The following ASPH variants were observed in gnomAD, a reference collection of about 807,000 sequenced individuals.
The protein encoded by ASPH is aspartyl/asparaginyl beta-hydroxylase.
A neutral mutation model predicts 118.4 loss-of-function variants in ASPH; 100 were observed. The ratio of observed to expected loss-of-function variants is 0.84; its 90% CI spans 0.72 to 1.00. The LOEUF (loss-of-function observed/expected upper bound fraction) is 1.00. ASPH is among the 50% of genes least tolerant of loss of function. The probability of loss-of-function intolerance (pLI) is 0.00; values close to 1 mark genes in which losing one functional copy is unlikely to be tolerated. For missense variants in ASPH, 920 were observed against 919.5 expected (o/e 1.00, Z -0.01); for synonymous variants, 315 against 325.6 (o/e 0.97, Z 0.35).
At chr8:61,565,283 AT>A (rs1287873053) in intron 17 of ASPH, among the ~76,000 whole-genome samples, 4 of 151,780 alleles carry the variant, frequency 2.6e-5, no homozygotes, top group South Asian at 2.1e-4. Flanking sequence ...TTACCAGTAA[AT>A]TTTTTTTAGA....
At chr8:61,645,294 A>G (rs1403283084) in intron 6 of ASPH, among the ~76,000 whole-genome samples, 2 of 152,204 alleles carry the variant, frequency 1.3e-5, no homozygotes, top group African/African-American at 4.8e-5. Flanking sequence ...TGAACTTCTT[A>G]AAAGTGTTTC....
At chr8:61,705,283 T>G (rs1836312919) in intron 1 of ASPH, among the ~76,000 whole-genome samples, 2 of 152,138 alleles carry the variant, frequency 1.3e-5, no homozygotes, top group Admixed American at 1.3e-4. Context: ...TCAAAAAAGC[T>G]ACTCAGCAGG....
At chr8:61,709,804 T>C (rs1030485415) in intron 1 of ASPH, among the ~76,000 whole-genome samples, 1 of 152,162 alleles carries the variant, frequency 6.6e-6, no homozygotes, top group Non-Finnish European at 1.5e-5. Flanking sequence ...GATAAAATAA[T>C]GTTACAGATT....
intron 21 of ASPH, among the ~76,000 whole-genome samples, chr8:61,530,873 C>A (rs934573202): frequency 6.6e-6 from 1 of 152,126 alleles, no homozygotes; most frequent in Non-Finnish European, 1.5e-5. Flanking sequence ...TGTTATATTG[C>A]TATTCTTGAT....
At chr8:61,531,651 T>C (rs1222618539) in intron 21 of ASPH, among the ~76,000 whole-genome samples, 1 of 152,000 alleles carries the variant, frequency 6.6e-6, no homozygotes, top group Non-Finnish European at 1.5e-5. Flanking sequence ...TTGATATACA[T>C]CTTATAACTG....
chr8:61,503,600 T>A, intron 24 of ASPH, 91 bp from the exon 25 acceptor site: 1 of 1,303,490 alleles, frequency 7.7e-7, no homozygotes, highest in Non-Finnish European at 1.0e-6. Flanking sequence ...GAACTACCTT[T>A]GGTAACAACC....
Position 61,502,276 on chromosome 8 carries a change from T to C in ASPH, c.*1083A>G, listed in dbSNP as rs1403995345. 6.6e-6 allele frequency: 1 copy of C among 152,232 alleles called. No homozygotes were observed. The allele number at this position is 152,232 out of a possible 1,614,324, so 9.4% of individuals were successfully genotyped here. A position where few individuals can be genotyped will look rare whatever the true frequency, so the allele number is the denominator to read the frequency against. ...AAAAAGGAAAGTAATCTGGACCTCCTACGCCCAAGAAAAACATCCTGGCAT... is the reference window on the plus strand; with the variant it reads ...AAAAAGGAAAGTAATCTGGACCTCCCACGCCCAAGAAAAACATCCTGGCAT... On this transcript the variant is annotated 3_prime_UTR_variant, in exon 25 of 25. Coordinates refer to ENST00000379454, the MANE Select transcript of ASPH (RefSeq NM_004318.4).
intron 15 of ASPH, among the ~76,000 whole-genome samples, chr8:61,581,433 A>G (rs1837481469): frequency 6.6e-6 from 1 of 152,264 alleles, no homozygotes; most frequent in African/African-American, 2.4e-5. Flanking sequence ...CACTGTGTTG[A>G]CATGAGGCCA....
Position 61,710,626 on chromosome 8 carries a change from G to A in ASPH, c.103+3643C>T, listed in dbSNP as rs112687125. 5.3e-3 allele frequency among the ~76,000 whole-genome samples: 804 copies of A among 152,312 alleles called. 10 individuals carry two copies. Among genetic ancestry groups the A allele is most frequent in the African/African-American group, 0.018 (762 of 41,556 alleles). On this transcript the variant is annotated intron_variant, in intron 1 of 24. Transcript: ENST00000379454. ...ATTTGGTCAGGATGGACAAAATGCT[G>A]TTGAACTGAACACAAAATAGCTGAC...
At chr8:61,686,326 T>C (rs1159737764) in intron 1 of ASPH, among the ~76,000 whole-genome samples, 6 of 152,100 alleles carry the variant, frequency 3.9e-5, no homozygotes, top group East Asian at 1.9e-4. Context: ...CAGGAGAAGA[T>C]TGGGTGAGAA....
At chr8:61,625,663 G>T (rs1852497680) in intron 13 of ASPH, 2 of 983,142 alleles carry the variant, frequency 2.0e-6, no homozygotes, top group African/African-American at 1.8e-5. Context: ...TAATTAATCA[G>T]CTAAAAGCTA....
intron 3 of ASPH, among the ~76,000 whole-genome samples, chr8:61,674,847 TGCAA>T (rs1022292607): frequency 1.3e-5 from 2 of 152,180 alleles, no homozygotes; most frequent in African/African-American, 4.8e-5. Context: ...CGTGAGGAAG[TGCAA>T]GCATTTTCAA....
intron 1 of ASPH, among the ~76,000 whole-genome samples, chr8:61,701,153 A>T (rs761297540): frequency 2.6e-4 from 39 of 152,142 alleles, no homozygotes; most frequent in Non-Finnish European, 4.0e-4. Flanking sequence ...CAACTGAAAG[A>T]TAAATAGTAA....
At chr8:61,680,773 AT>A (rs1827658319) in intron 3 of ASPH, 194 bp downstream of exon 3, 2 of 430,972 alleles carry the variant, frequency 4.6e-6, no homozygotes, top group African/African-American at 2.0e-5. Context: ...ACACTTATTC[AT>A]TGATAAAAGT....
At chr8:61,654,128 T>A (rs1812449013) in intron 3 of ASPH, among the ~76,000 whole-genome samples, 1 of 152,108 alleles carries the variant, frequency 6.6e-6, no homozygotes, top group South Asian at 2.1e-4. Context: ...GAAAAAGAAA[T>A]CATACATAAC....
At chr8:61,542,172 A>G (rs1250266094) in intron 21 of ASPH, among the ~76,000 whole-genome samples, 1 of 152,076 alleles carries the variant, frequency 6.6e-6, no homozygotes, top group Non-Finnish European at 1.5e-5. Flanking sequence ...TTAAAAATCT[A>G]TTTTGTTAAT....
chr8:61,714,553 G>T lies in ASPH; in HGVS notation c.-182C>A. 3.2e-6 allele frequency: 3 copies of T among 940,314 alleles called. No individual in the cohort carries two copies. Among genetic ancestry groups the T allele is most frequent in the East Asian group, 6.7e-5 (2 of 29,872 alleles). The allele number at this position is 940,314 out of a possible 1,614,324, so 58.2% of individuals were successfully genotyped here. ...CCTGGGAAGACTTCACCCGCCTGCC[G>T]GCTGCGCGCGCCCGGCCTCGCGTGT... On this transcript the variant is annotated 5_prime_UTR_variant, in exon 1 of 25. Coordinates refer to ENST00000379454, the MANE Select transcript of ASPH (RefSeq NM_004318.4).
chr8:61,695,352 C>T (rs1833679293), intron 1 of ASPH, among the ~76,000 whole-genome samples: 1 of 152,218 alleles, frequency 6.6e-6, no homozygotes, highest in African/African-American at 2.4e-5. Context: ...ACAAGGAAGG[C>T]TCCATGTGAT....
At chr8:61,615,883 A>G (rs1311221477) in intron 14 of ASPH, among the ~76,000 whole-genome samples, 1 of 152,168 alleles carries the variant, frequency 6.6e-6, no homozygotes, top group Non-Finnish European at 1.5e-5. Flanking sequence ...CTGGATATGT[A>G]ATGTTTACAT....
Sources: gnomAD v4.1 joint callset for allele counts (sites outside exome capture counted in the v4.1 genomes callset) on GRCh38, gnomAD v4.1.1 for gene constraint, MANE v1.5 for transcripts, NCBI Gene and HGNC (gene_info 2026-07-23, HGNC 2026-07-21) for gene names.